The following STOM variants were observed in gnomAD, a reference collection of about 807,000 sequenced individuals.
STOM encodes erythrocyte band 7 integral membrane protein.
In STOM, 25 loss-of-function variants were observed where a neutral mutation model predicts 30.6. The observed-to-expected ratio is 0.82, with a 90% confidence interval of 0.60 to 1.14. The LOEUF is 1.14. STOM is among the 50% of genes most tolerant of loss of function. The pLI, the probability that STOM is intolerant of heterozygous loss-of-function variation, is 0.00. For missense variants in STOM, 292 were observed against 365.2 expected, an observed-to-expected ratio of 0.80 and a Z score of 1.63; for synonymous variants, 118 against 130.8, an observed-to-expected ratio of 0.90 and a Z score of 0.67.
At chr9:121,341,922 A>G (rs1322342997) in intron 6 of STOM, among the ~76,000 whole-genome samples, 2 of 152,240 alleles carry the variant, frequency 1.3e-5, no homozygotes, top group Non-Finnish European at 2.9e-5. Context: ...TTATTTATGT[A>G]AATAAGGTTT....
chr9:121,342,451 T>C (rs1281032165), intron 6 of STOM, among the ~76,000 whole-genome samples: 6 of 152,138 alleles, frequency 3.9e-5, no homozygotes, highest in African/African-American at 1.4e-4. Flanking sequence ...AGGAAATTTT[T>C]AAAAATTAAT....
chr9:121,358,040 C>G (rs1266705519), intron 1 of STOM, among the ~76,000 whole-genome samples: 1 of 152,038 alleles, frequency 6.6e-6, no homozygotes. Context: ...AGGGGTCACA[C>G]CTGTAATCCC....
intron 1 of STOM, among the ~76,000 whole-genome samples, chr9:121,363,056 G>C (rs1346380906): frequency 6.6e-6 from 1 of 152,178 alleles, no homozygotes; most frequent in Non-Finnish European, 1.5e-5. Context: ...CAGATAACTG[G>C]ATTTCCTCTG....
intron 6 of STOM, among the ~76,000 whole-genome samples, chr9:121,346,728 C>A (rs975755511): frequency 6.6e-6 from 1 of 152,154 alleles, no homozygotes; most frequent in African/African-American, 2.4e-5. Flanking sequence ...CACAAAGCAA[C>A]AATCATCATA....
intron 6 of STOM, among the ~76,000 whole-genome samples, chr9:121,341,906 A>G (rs532913873): frequency 6.6e-6 from 1 of 152,350 alleles, no homozygotes; most frequent in South Asian, 2.1e-4. Flanking sequence ...TTCCATTTCC[A>G]TCTACTTATT....
chr9:121,344,683 A>C (rs1346683853), intron 6 of STOM, among the ~76,000 whole-genome samples: 1 of 152,158 alleles, frequency 6.6e-6, no homozygotes, highest in Non-Finnish European at 1.5e-5. Flanking sequence ...ATGTATGTGA[A>C]ATTGGTGCTA....
chr9:121,356,230 T>G, intron 1 of STOM, 74 bp from the exon 2 acceptor site: 1 of 1,258,076 alleles, frequency 7.9e-7, no homozygotes. Flanking sequence ...TCCTTACCAT[T>G]CGCTGAATAC....
chr9:121,349,569 G>A (rs574287132), intron 4 of STOM, among the ~76,000 whole-genome samples: 37 of 152,224 alleles, frequency 2.4e-4, no homozygotes, highest in Middle Eastern at 3.4e-3. Context: ...CAGGGATTAA[G>A]GTAGGAAAAA....
chr9:121,361,449 C>A (rs570258451), intron 1 of STOM, among the ~76,000 whole-genome samples: 1 of 130,822 alleles, frequency 7.6e-6, no homozygotes, highest in African/African-American at 2.9e-5. Context: ...AGTGCAGTGG[C>A]GAGATCTCGG....
chr9:121,351,897 C>T (rs1231186376), intron 4 of STOM, among the ~76,000 whole-genome samples: 1 of 152,078 alleles, frequency 6.6e-6, no homozygotes, highest in African/African-American at 2.4e-5. Flanking sequence ...CAAGCAGTTT[C>T]TAATTCTTTG....
chr9:121,368,200 A>G lies in STOM; in HGVS notation c.61+1927T>C, dbSNP rs1589301442. Among the ~76,000 whole-genome samples the G allele has an allele frequency of 2.0e-5, 3 of 152,324 alleles. No individual in the cohort carries two copies. The East Asian group carries it at 5.8e-4, about 29-fold the overall frequency. ...TTTGTATGTCTAATTTTTGAGAGGA[A>G]GTGGTGGTTTTCATTAGATCTTGAA... On this transcript the variant is annotated intron_variant, in intron 1 of 6. Transcript: ENST00000286713.
chr9:121,344,169 T>A (rs1314908469), intron 6 of STOM, among the ~76,000 whole-genome samples: 4 of 152,222 alleles, frequency 2.6e-5, no homozygotes, highest in East Asian at 3.9e-4. Flanking sequence ...CCTTAATTTA[T>A]CAAAGCCACA....
Position 121,339,511 on chromosome 9 carries a change from A to G in STOM, c.*1691T>C. The G allele has an allele frequency of 1.6e-6, 2 of 1,225,374 alleles. No individual in the cohort carries two copies. The highest frequency in any genetic ancestry group is 2.0e-6 in the Non-Finnish European group (2 of 983,766). 75.9% of individuals were successfully genotyped at this position (1,225,374 alleles called of 1,614,324 possible). A position where few individuals can be genotyped will look rare whatever the true frequency, so the allele number is the denominator to read the frequency against. On this transcript the variant is annotated 3_prime_UTR_variant, in exon 7 of 7. Coordinates refer to ENST00000286713, the MANE Select transcript of STOM (RefSeq NM_004099.6). Reference sequence around the variant, plus strand: ...TAAAATAAGCTTGAAATTGGGGTACAGGGGAAGGGACATCCATTGGCTGGA... The same window carrying G: ...TAAAATAAGCTTGAAATTGGGGTACGGGGGAAGGGACATCCATTGGCTGGA...
chr9:121,353,671 A>G (rs1310059684), intron 3 of STOM, among the ~76,000 whole-genome samples: 1 of 151,874 alleles, frequency 6.6e-6, no homozygotes, highest in African/African-American at 2.4e-5. Context: ...TCCCCCACGC[A>G]TGGTCCTGCA....
intron 6 of STOM, among the ~76,000 whole-genome samples, chr9:121,343,535 A>T (rs1332730465): frequency 3.3e-5 from 5 of 152,232 alleles, no homozygotes; most frequent in African/African-American, 1.2e-4. Context: ...AGAAGAAAGC[A>T]ACTTTTCCAG....
chr9:121,370,115 C>A lies in STOM; in HGVS notation c.61+12G>T, dbSNP rs1463762515. ...CGGTCCACGGGGGAGGGTCAGGGGACGCGGGACTCACCCTTGAAGGAGTCG... is the reference window on the plus strand; with the variant it reads ...CGGTCCACGGGGGAGGGTCAGGGGAAGCGGGACTCACCCTTGAAGGAGTCG... On this transcript the variant is annotated intron_variant, in intron 1 of 6. Transcript: ENST00000286713. 2 of 1,538,434 alleles carry A rather than the reference C, an allele frequency of 1.3e-6. No homozygotes were observed. Among genetic ancestry groups the A allele is most frequent in the Non-Finnish European group, 8.7e-7 (1 of 1,143,354 alleles).
chr9:121,344,620 T>C (rs749747532), intron 6 of STOM, among the ~76,000 whole-genome samples: 1 of 152,214 alleles, frequency 6.6e-6, no homozygotes, highest in Non-Finnish European at 1.5e-5. Context: ...AGTAATCTCA[T>C]AGCAATCAAC....
intron 5 of STOM, among the ~76,000 whole-genome samples, chr9:121,348,616 A>G (rs755797836): frequency 3.3e-5 from 5 of 152,232 alleles, no homozygotes; most frequent in Non-Finnish European, 7.3e-5. Flanking sequence ...GAAACCACAC[A>G]TCTATTTCAT....
intron 1 of STOM, among the ~76,000 whole-genome samples, chr9:121,363,188 A>G (rs1214413936): frequency 6.6e-6 from 1 of 152,188 alleles, no homozygotes; most frequent in African/African-American, 2.4e-5. Context: ...CTGCCTTCAC[A>G]GAGTGCAAAT....
Sources: gnomAD v4.1 joint callset for allele counts (sites outside exome capture counted in the v4.1 genomes callset) on GRCh38, gnomAD v4.1.1 for gene constraint, MANE v1.5 for transcripts, NCBI Gene and HGNC (gene_info 2026-07-23, HGNC 2026-07-21) for gene names.